ZNF236: variants seen among roughly 807,000 people sequenced by gnomAD.
The protein encoded by ZNF236 is regulated by glucose.
In ZNF236, 50 loss-of-function variants were observed where a neutral mutation model predicts 191.2. The ratio of observed to expected loss-of-function variants is 0.26; its 90% CI spans 0.21 to 0.33. The LOEUF (loss-of-function observed/expected upper bound fraction) is 0.33. Among genes scored for constraint, ZNF236 ranks in the 10% least tolerant of loss-of-function variants. The pLI is 1.00. For synonymous variants in ZNF236, 907 were observed against 928.8 expected, an observed-to-expected ratio of 0.98 and a Z score of 0.43; for missense variants, 1,754 against 2,374.5, an observed-to-expected ratio of 0.74 and a Z score of 5.43.
Position 76,960,095 on chromosome 18 carries a change from C to T in ZNF236, c.5242+279C>T, listed in dbSNP as rs1333770011. On this transcript the variant is annotated intron_variant, in intron 29 of 30. Coordinates refer to ENST00000320610, the MANE Select transcript of ZNF236 (RefSeq NM_001306089.2). This position sits in a 1 kb window ranked among gnomAD's most constrained non-coding sequence, Gnocchi z 4.4. Reference sequence around the variant, plus strand: ...GGATGTTGACCATGTCACGTCCCTCCTTCCCTTCTGCTGGAGCAAACAGGC... The same window carrying T: ...GGATGTTGACCATGTCACGTCCCTCTTTCCCTTCTGCTGGAGCAAACAGGC... Among the ~76,000 whole-genome samples the T allele has an allele frequency of 6.6e-6, 1 of 152,200 alleles. No individual in the cohort carries two copies. The highest frequency in any genetic ancestry group is 1.9e-4 in the East Asian group (1 of 5,192).
intron 25 of ZNF236, among the ~76,000 whole-genome samples, chr18:76,928,484 T>C (rs1967766218): frequency 6.6e-6 from 1 of 152,226 alleles, no homozygotes. Flanking sequence ...TAGATCCGCA[T>C]GGCACTCTCT....
At chr18:76,965,424 G>A (rs1968748347) in intron 30 of ZNF236, among the ~76,000 whole-genome samples, 1 of 152,074 alleles carries the variant, frequency 6.6e-6, no homozygotes, top group Admixed American at 6.5e-5. Context: ...TCCATTGCTG[G>A]TGAGCTTGTG....
chr18:76,832,361 G>T (rs143582070), intron 1 of ZNF236, among the ~76,000 whole-genome samples: 1 of 152,196 alleles, frequency 6.6e-6, no homozygotes, highest in African/African-American at 2.4e-5. Flanking sequence ...AATTACAGGT[G>T]TGAGCTGCTG....
At position 76,919,978 on chromosome 18, in the gene ZNF236, G is replaced by A. The variant is rs752050904; in HGVS notation, c.3477G>A (p.Ala1159=). The A allele has an allele frequency of 1.4e-5, 22 of 1,613,794 alleles. No individual in the cohort carries two copies. In the Admixed American group the frequency reaches 2.0e-4, roughly 15 times the overall value. ...TCAGTGAGCTGAGGGACAAGCAGGC[G>A]GAGCTGCAGGACGAGCCCAAGCACG... ...DRISELRDKQ[A]ELQDEPKHAN... The change falls in exon 20 of 31, where the codon GCG becomes GCA. Residue 1159 remains alanine (A), a synonymous_variant. Coordinates refer to ENST00000320610, the MANE Select transcript of ZNF236 (RefSeq NM_001306089.2). This position sits in a 1 kb window ranked among gnomAD's most constrained non-coding sequence, Gnocchi z 5.3.
rs1967713974 is a variant in ZNF236, at chr18:76,926,970, A to T, written c.4028-67A>T. 3 of 1,541,740 alleles carry T rather than the reference A, an allele frequency of 1.9e-6. No individual in the cohort carries two copies. In the Admixed American group the frequency reaches 6.0e-5, roughly 31 times the overall value. On this transcript the variant is annotated intron_variant, in intron 22 of 30. Transcript: ENST00000320610. ...GTATTTAAAAATCCCTATGTAAAAA[A>T]TGAATTACTTTAGTTTTAAGAAGCA...
At chr18:76,844,268 A>G (rs1975611877) in intron 1 of ZNF236, among the ~76,000 whole-genome samples, 1 of 151,152 alleles carries the variant, frequency 6.6e-6, no homozygotes, top group Non-Finnish European at 1.5e-5. Context: ...AAAGTAGAGA[A>G]AGGGTGGTAG....
At chr18:76,830,807 A>G (rs1171658813) in intron 1 of ZNF236, among the ~76,000 whole-genome samples, 1 of 152,000 alleles carries the variant, frequency 6.6e-6, no homozygotes, top group Non-Finnish European at 1.5e-5. Context: ...TCTCATTTTG[A>G]TTTTTATTTT....
At chr18:76,826,216 A>G (rs1249663706) in intron 1 of ZNF236, among the ~76,000 whole-genome samples, 2 of 150,948 alleles carry the variant, frequency 1.3e-5, no homozygotes, top group Non-Finnish European at 2.9e-5. Flanking sequence ...GGTTCAAGCA[A>G]TTCTCCTGCC....
intron 7 of ZNF236, among the ~76,000 whole-genome samples, chr18:76,878,558 A>G (rs1053741605): frequency 6.6e-6 from 1 of 152,108 alleles, no homozygotes; most frequent in Non-Finnish European, 1.5e-5. Context: ...TTTTCAGTAC[A>G]TGTAGTTAAA....
At chr18:76,952,608 G>A (rs138714169) in intron 27 of ZNF236, among the ~76,000 whole-genome samples, 351 of 152,308 alleles carry the variant, frequency 2.3e-3, no homozygotes, top group African/African-American at 3.7e-3. Flanking sequence ...TTCTGGCCAG[G>A]AGCCCTCAGG....
chr18:76,921,737 C>CTTTTTTTTTTTTTTTTTTTTTTTTTTTTT, intron 20 of ZNF236, among the ~76,000 whole-genome samples: 1 of 98,052 alleles, frequency 1.0e-5, no homozygotes. Context: ...GTGGGATGTT[C>CTTTTTTTTTTTTTTTTTTTTTTTTTTTTT]TTTTTTTTTT....
chr18:76,911,768 G>C (rs1341349861), intron 16 of ZNF236, among the ~76,000 whole-genome samples: 1 of 152,196 alleles, frequency 6.6e-6, no homozygotes, highest in African/African-American at 2.4e-5. Flanking sequence ...TGCTGTGGTA[G>C]CATGGGTTGT....
In ZNF236 at chr18:76,972,445, ACACT is replaced by A. The variant is rs964747324; in HGVS notation, c.*4110_*4113del. 5.9e-5 allele frequency among the ~76,000 whole-genome samples: 9 copies of A among 151,508 alleles called. No individual in the cohort carries two copies. In the South Asian group the frequency reaches 6.3e-4, roughly 11 times the overall value. ...CCCTCACCCTCACACACTCACCCAC[ACACT>A]CACCCTCACACTCACCCACACACCC... On this transcript the variant is annotated 3_prime_UTR_variant, in exon 31 of 31. Coordinates refer to ENST00000320610, the MANE Select transcript of ZNF236 (RefSeq NM_001306089.2).
At chr18:76,894,542 A>G (rs937016764) in intron 9 of ZNF236, among the ~76,000 whole-genome samples, 10 of 152,294 alleles carry the variant, frequency 6.6e-5, no homozygotes, top group African/African-American at 2.4e-4. Context: ...GATATATACT[A>G]TTTGTCTTAA....
At position 76,966,454 on chromosome 18, in the gene ZNF236, C is replaced by T. The variant is rs949247919; in HGVS notation, c.5420-1761C>T. Among the ~76,000 whole-genome samples the T allele has an allele frequency of 3.9e-5, 6 of 152,140 alleles. 1 individual carries two copies. The highest frequency in any genetic ancestry group is 4.1e-4 in the South Asian group (2 of 4,826). On this transcript the variant is annotated intron_variant, in intron 30 of 30. Coordinates refer to ENST00000320610, the MANE Select transcript of ZNF236 (RefSeq NM_001306089.2). ...AATGGCAGCCCAGAACCTGAGCAAG[C>T]GCAGCATTTCTGAGCAGCTCGTTTC...
In ZNF236 at chr18:76,910,158, G is replaced by A; in HGVS notation, c.2642G>A (p.Gly881Glu). ...SPAQQSFEPA[G>E]LPQGFTVTDT... ...GCGCAACAGTCCTTCGAACCAGCAG[G>A]GCTACCCCAAGGTCAGTGGTGGGTT... is the stretch of plus-strand genomic sequence containing the variant. Residue 881 changes from glycine to glutamate, a missense_variant, in exon 15 of 31, where the codon GGG (glycine) becomes GAG (glutamate). Around this residue, in one of 5 missense-constraint regions of ZNF236, gnomAD observed 641 missense variants for 869.6 expected, o/e 0.74. Transcript: ENST00000320610. The A allele has an allele frequency of 1.2e-6, 2 of 1,611,942 alleles. No individual in the cohort carries two copies. Among genetic ancestry groups the A allele is most frequent in the South Asian group, 1.1e-5 (1 of 91,034 alleles).
intron 19 of ZNF236, among the ~76,000 whole-genome samples, chr18:76,918,808 G>A (rs1967452434): frequency 6.6e-6 from 1 of 152,112 alleles, no homozygotes; most frequent in Non-Finnish European, 1.5e-5. Context: ...TTCCATCTCA[G>A]CTTCCCAAAG....
At chr18:76,846,995 G>A (rs1975705208) in intron 1 of ZNF236, among the ~76,000 whole-genome samples, 1 of 151,992 alleles carries the variant, frequency 6.6e-6, no homozygotes, top group Non-Finnish European at 1.5e-5. Flanking sequence ...GTATCACTAT[G>A]TTGGCCAGGC....
chr18:76,866,978 G>T (rs1976435882), intron 3 of ZNF236, among the ~76,000 whole-genome samples: 1 of 152,160 alleles, frequency 6.6e-6, no homozygotes, highest in African/African-American at 2.4e-5. Context: ...CATAAACTGG[G>T]GTTGTCACTC....
Sources: allele counts gnomAD v4.1 joint callset (sites outside exome capture counted in the v4.1 genomes callset), GRCh38; gene constraint gnomAD v4.1.1; regional missense constraint gnomAD v4.1.1; non-coding constraint Gnocchi (gnomAD v3.1); transcripts MANE v1.5; gene names NCBI Gene and HGNC (gene_info 2026-07-23, HGNC 2026-07-21).